HSPA12A: variants seen among roughly 807,000 people sequenced by gnomAD.
The protein encoded by HSPA12A is heat shock 70 kDa protein 12A.
In HSPA12A, 28 loss-of-function variants were observed where a neutral mutation model predicts 69.2. The observed-to-expected ratio is 0.40, with a 90% CI of 0.30 to 0.55. The LOEUF is 0.55. HSPA12A is among the 20% of genes least tolerant of loss of function. The probability of loss-of-function intolerance (pLI) is 0.38; values close to 1 mark genes in which losing one functional copy is unlikely to be tolerated. For synonymous variants in HSPA12A, 345 were observed against 370.5 expected, an observed-to-expected ratio of 0.93 and a Z score of 0.79; for missense variants, 686 against 900.7, an observed-to-expected ratio of 0.76 and a Z score of 3.05.
At chr10:116,679,005 C>T (rs1030722560) in intron 10 of HSPA12A, among the ~76,000 whole-genome samples, 9 of 150,638 alleles carry the variant, frequency 6.0e-5, no homozygotes, top group Admixed American at 3.3e-4. Flanking sequence ...TTTTTAAATT[C>T]GGCTTTAAAC....
Position 116,675,152 on chromosome 10 carries a change from C to T in HSPA12A, c.1657G>A (p.Glu553Lys), listed in dbSNP as rs782577019. 22 of 1,613,982 alleles carry T rather than the reference C, an allele frequency of 1.4e-5. No homozygotes were observed. Among genetic ancestry groups the T allele is most frequent in the Non-Finnish European group, 1.8e-5 (21 of 1,180,036 alleles). The change falls in exon 12 of 12, where the codon GAG (glutamate) becomes AAG (lysine). Residue 553 changes from glutamate to lysine, a missense_variant. By Grantham distance (56) the Glu-to-Lys change is moderately conservative. Coordinates refer to ENST00000369209, the MANE Select transcript of HSPA12A (RefSeq NM_025015.3). The surrounding 1 kb of genome is among the most constrained non-coding windows in gnomAD (Gnocchi z 5.2). ...NRYVEGKHPP[E>K]KLLVKDGTRW... is the part of the protein sequence containing the mutation. ...GTGCCATCCTTCACCAGCAGCTTCT[C>T]AGGCGGGTGCTTGCCCTCCACGTAG...
intron 1 of HSPA12A, among the ~76,000 whole-genome samples, chr10:116,727,756 T>TTTG (rs1554885219): frequency 6.6e-6 from 1 of 151,054 alleles, no homozygotes; most frequent in African/African-American, 2.4e-5. Flanking sequence ...AAGTGGGTTT[T>TTTG]TTTTTTTTTT....
At chr10:116,782,531 C>A (rs1554891917) in intron 2 of HSPA12A, among the ~76,000 whole-genome samples, 1 of 152,128 alleles carries the variant, frequency 6.6e-6, no homozygotes, top group African/African-American at 2.4e-5. Context: ...AAGGAATGAA[C>A]TACAGGTACA....
chr10:116,776,990 C>A, intron 2 of HSPA12A, among the ~76,000 whole-genome samples: 1 of 152,196 alleles, frequency 6.6e-6, no homozygotes, highest in East Asian at 1.9e-4. Flanking sequence ...ACTGCAGAAG[C>A]ATCAAGGAAG....
At chr10:116,734,448 T>TAAAAA (rs34843566) in intron 1 of HSPA12A, among the ~76,000 whole-genome samples, 1 of 101,432 alleles carries the variant, frequency 9.9e-6, no homozygotes, top group Non-Finnish European at 1.9e-5. Context: ...AGACTCTGTC[T>TAAAAA]AAAAAAAAAA....
At chr10:116,744,005 C>T (rs1276389195), upstream of HSPA12A, among the ~76,000 whole-genome samples, 4 of 152,202 alleles carry the variant, frequency 2.6e-5, no homozygotes, top group Non-Finnish European at 5.9e-5. Context: ...TGGTAAAAAT[C>T]ATTAAGTCAC....
At position 116,685,610 on chromosome 10, in the gene HSPA12A, G is replaced by C. The variant is rs578102619; in HGVS notation, c.664-1648C>G. ...AGATGGTGCCATTGTACCCCAGCCT[G>C]GGTGACAAGAGTGAAACTCCATCTC... On this transcript the variant is annotated intron_variant, in intron 6 of 11. Transcript: ENST00000369209. Among the ~76,000 whole-genome samples, 474 of 151,410 alleles carry C rather than the reference G, an allele frequency of 3.1e-3. 5 individuals carry two copies. Among genetic ancestry groups the C allele is most frequent in the African/African-American group, 0.011 (454 of 41,240 alleles).
chr10:116,804,757 C>T (rs371782342), intron 2 of HSPA12A, among the ~76,000 whole-genome samples: 1 of 152,292 alleles, frequency 6.6e-6, no homozygotes, highest in East Asian at 1.9e-4. Context: ...ACATAATCTC[C>T]CAGCCCATTT....
At chr10:116,736,257 G>A (rs1554886420) in intron 1 of HSPA12A, among the ~76,000 whole-genome samples, 2 of 152,072 alleles carry the variant, frequency 1.3e-5, no homozygotes, top group East Asian at 3.9e-4. Flanking sequence ...AGAAGTCAAG[G>A]GTTGATCCAC....
At chr10:116,751,675 G>A (rs548533722) in intron 2 of HSPA12A, among the ~76,000 whole-genome samples, 6 of 152,302 alleles carry the variant, frequency 3.9e-5, no homozygotes, top group African/African-American at 9.6e-5. Context: ...ATGCTGACAC[G>A]GTTTGGATGT....
At position 116,698,719 on chromosome 10, in the gene HSPA12A, G is replaced by A. The variant is rs374156629; in HGVS notation, c.462C>T (p.Asp154=). The change falls in exon 5 of 12, where the codon GAC becomes GAT. Residue 154 remains aspartate, a synonymous_variant. Transcript: ENST00000369209. ...HTTGDLTMDT[D]LTAANGKKVK... ...CTTTCTTGCCATTTGCTGCCGTCAG[G>A]TCTGTATCCATGGTGAGGTCCTGGT... The A allele has an allele frequency of 8.6e-4, 1,385 of 1,613,812 alleles. 2 individuals carry two copies. Among genetic ancestry groups the A allele is most frequent in the Non-Finnish European group, 1.1e-3 (1,326 of 1,179,790 alleles).
intron 7 of HSPA12A, among the ~76,000 whole-genome samples, chr10:116,682,936 C>T (rs959651988): frequency 6.7e-6 from 1 of 148,742 alleles, no homozygotes; most frequent in Non-Finnish European, 1.5e-5. Context: ...ATTTCCTGAC[C>T]TCGTGATCCG....
chr10:116,793,843 A>T (rs1844755169), intron 2 of HSPA12A, among the ~76,000 whole-genome samples: 1 of 152,204 alleles, frequency 6.6e-6, no homozygotes, highest in Admixed American at 6.5e-5. Flanking sequence ...AGAAAAAGAA[A>T]AACAGAAAGC....
chr10:116,743,381 T>C (rs1851576511), upstream of HSPA12A, among the ~76,000 whole-genome samples: 1 of 152,202 alleles, frequency 6.6e-6, no homozygotes, highest in Non-Finnish European at 1.5e-5. Context: ...CCACCCTGCC[T>C]TGGCAAACGA....
At chr10:116,830,853 CATATAT>C in intron 2 of HSPA12A, 1 of 152,056 alleles carries the variant, frequency 6.6e-6, no homozygotes, top group African/African-American at 2.4e-5. Context: ...TAGGTATATG[CATATAT>C]ATATAAAGAG....
chr10:116,779,558 C>T (rs921232105), intron 2 of HSPA12A, among the ~76,000 whole-genome samples: 4 of 152,134 alleles, frequency 2.6e-5, no homozygotes, highest in Non-Finnish European at 4.4e-5. Flanking sequence ...TGCCAGGAGA[C>T]AGGGAAGGTT....
intron 1 of HSPA12A, among the ~76,000 whole-genome samples, chr10:116,839,852 T>C (rs1380154940): frequency 6.6e-6 from 1 of 151,896 alleles, no homozygotes; most frequent in Non-Finnish European, 1.5e-5. Context: ...GGTACAGACG[T>C]GTGTGCAATG....
chr10:116,828,078 T>C (rs774755685), intron 2 of HSPA12A, among the ~76,000 whole-genome samples: 12 of 150,916 alleles, frequency 8.0e-5, no homozygotes, highest in Non-Finnish European at 1.3e-4. Flanking sequence ...AATGTATTGT[T>C]CTTATTATGT....
chr10:116,695,107 C>A (rs1849848067), intron 5 of HSPA12A, among the ~76,000 whole-genome samples: 1 of 152,038 alleles, frequency 6.6e-6, no homozygotes, highest in Non-Finnish European at 1.5e-5. Flanking sequence ...CCTTCTTGCT[C>A]CCCAAATGAC....
Sources: allele counts gnomAD v4.1 joint callset (sites outside exome capture counted in the v4.1 genomes callset), GRCh38; gene constraint gnomAD v4.1.1; non-coding constraint Gnocchi (gnomAD v3.1); transcripts MANE v1.5; gene names NCBI Gene and HGNC (gene_info 2026-07-23, HGNC 2026-07-21).